The following ATG10 variants were observed in gnomAD, a reference collection of about 807,000 sequenced individuals.
The protein encoded by ATG10 is autophagy related 10.
Under a neutral mutation model 32.1 loss-of-function variants are expected in ATG10, and 30 were observed. That is an observed-to-expected ratio of 0.94 (90% CI 0.70 to 1.27). The LOEUF is 1.27. Among genes scored for constraint, ATG10 ranks in the 50% most tolerant of loss-of-function variants. ATG10 has a pLI of 0.00. For synonymous variants in ATG10, 87 were observed against 91.5 expected, an observed-to-expected ratio of 0.95 and a Z score of 0.28; for missense variants, 233 against 262.3, an observed-to-expected ratio of 0.89 and a Z score of 0.77.
intron 3 of ATG10, among the ~76,000 whole-genome samples, chr5:82,086,710 A>G (rs1764708538): frequency 6.6e-6 from 1 of 152,166 alleles, no homozygotes; most frequent in African/African-American, 2.4e-5. Flanking sequence ...GCCAAGATTC[A>G]AAGGCAGGAA....
At chr5:82,199,380 T>TTAA (rs1279840897) in intron 5 of ATG10, among the ~76,000 whole-genome samples, 1 of 152,094 alleles carries the variant, frequency 6.6e-6, no homozygotes, top group Non-Finnish European at 1.5e-5. Context: ...TTGTCTCAAA[T>TTAA]TTTCTTTTTA....
In ATG10 at chr5:82,113,188, A is replaced by C. The variant is rs185107465; in HGVS notation, c.217-51211A>C. ...TGATAAAGAAGGTATAGCATATACT[A>C]TTCCTCCAGAACGTTTAGCACCAGA... On this transcript the variant is annotated intron_variant, in intron 3 of 7. Coordinates refer to ENST00000282185, the MANE Select transcript of ATG10 (RefSeq NM_031482.5). 3.8e-3 allele frequency among the ~76,000 whole-genome samples: 573 copies of C among 152,018 alleles called. 1 individual carries two copies. The highest frequency in any genetic ancestry group is 7.6e-3 in the Admixed American group (115 of 15,210).
intron 1 of ATG10, among the ~76,000 whole-genome samples, chr5:81,980,806 G>C (rs559480548): frequency 7.7e-4 from 117 of 152,218 alleles, no homozygotes; most frequent in African/African-American, 2.8e-3. Context: ...TACTGGGAGA[G>C]AACTGCCTTG....
At chr5:82,023,831 C>T (rs1211495059) in intron 2 of ATG10, among the ~76,000 whole-genome samples, 1 of 152,160 alleles carries the variant, frequency 6.6e-6, no homozygotes, top group Non-Finnish European at 1.5e-5. Flanking sequence ...CAGTCAAAGC[C>T]GTAAACCTTT....
chr5:82,236,266 G>T (rs1746547230), intron 5 of ATG10, among the ~76,000 whole-genome samples: 1 of 151,884 alleles, frequency 6.6e-6, no homozygotes, highest in Non-Finnish European at 1.5e-5. Context: ...TGGTCTTGGT[G>T]GTTATCTCCT....
At chr5:82,066,004 A>T (rs1257210390) in intron 3 of ATG10, among the ~76,000 whole-genome samples, 1 of 152,112 alleles carries the variant, frequency 6.6e-6, no homozygotes, top group Non-Finnish European at 1.5e-5. Flanking sequence ...CGTGTCCAGC[A>T]CTCATCCACT....
chr5:82,013,710 G>C (rs375346507), intron 2 of ATG10, among the ~76,000 whole-genome samples: 1 of 152,044 alleles, frequency 6.6e-6, no homozygotes, highest in South Asian at 2.1e-4. Context: ...GCAGGAGTGA[G>C]GTGGTATTGC....
chr5:82,012,097 C>T (rs563320000), intron 2 of ATG10, among the ~76,000 whole-genome samples: 48 of 152,314 alleles, frequency 3.2e-4, no homozygotes, highest in Non-Finnish European at 5.7e-4. Context: ...GCTGGTTTCA[C>T]AGCCTGTGGT....
intron 3 of ATG10, among the ~76,000 whole-genome samples, chr5:82,141,849 T>C (rs997510781): frequency 6.6e-6 from 1 of 151,620 alleles, no homozygotes; most frequent in African/African-American, 2.4e-5. Flanking sequence ...TAAGGCTGTT[T>C]GAAAAAAAAA....
chr5:82,075,941 TAAC>T (rs566512496), intron 3 of ATG10, among the ~76,000 whole-genome samples: 2 of 151,796 alleles, frequency 1.3e-5, no homozygotes, highest in African/African-American at 2.4e-5. Flanking sequence ...TGTCCAACAA[TAAC>T]AACAACAACA....
chr5:82,031,416 A>C (rs73768613), intron 2 of ATG10, among the ~76,000 whole-genome samples: 1,756 of 152,274 alleles, frequency 0.012, 25 homozygotes, highest in African/African-American at 0.041. Context: ...ACCAGATAAG[A>C]AGGGTAACTG....
intron 3 of ATG10, among the ~76,000 whole-genome samples, chr5:82,124,487 C>T (rs966736649): frequency 1.3e-5 from 2 of 151,492 alleles, no homozygotes; most frequent in Non-Finnish European, 2.9e-5. Context: ...GTGTGATGTT[C>T]CCCTCCCTGT....
At chr5:82,129,773 T>C (rs4293895) in intron 3 of ATG10, among the ~76,000 whole-genome samples, 29,385 of 152,068 alleles carry the variant, frequency 0.19, 3,273 homozygotes, top group Middle Eastern at 0.28. Context: ...TTATGAGGTG[T>C]CTGTCAATCC....
At chr5:82,173,596 A>G (rs1208771239) in intron 4 of ATG10, among the ~76,000 whole-genome samples, 2 of 152,180 alleles carry the variant, frequency 1.3e-5, no homozygotes, top group Non-Finnish European at 2.9e-5. Context: ...CATGCTCACT[A>G]TGTAGGTTAC....
intron 5 of ATG10, 127 bp from the exon 6 acceptor site, chr5:82,252,435 C>T (rs1439432415): frequency 1.2e-5 from 8 of 656,918 alleles, no homozygotes; most frequent in Admixed American, 6.4e-5. Context: ...AGAAAATAAA[C>T]CTGTATATTA....
chr5:82,020,347 G>A (rs892659057), intron 2 of ATG10, among the ~76,000 whole-genome samples: 6 of 152,202 alleles, frequency 3.9e-5, no homozygotes, highest in Non-Finnish European at 8.8e-5. Flanking sequence ...AAAACTAATA[G>A]TAGGATTGAG....
At chr5:82,230,732 C>CAAAAAAAAA (rs397881697) in intron 5 of ATG10, among the ~76,000 whole-genome samples, 27 of 58,796 alleles carry the variant, frequency 4.6e-4, no homozygotes, top group African/African-American at 5.7e-4. Context: ...GACTCCGTCT[C>CAAAAAAAAA]AAAAAAAAAA....
intron 1 of ATG10, among the ~76,000 whole-genome samples, chr5:81,982,473 C>T (rs1194514056): frequency 6.6e-6 from 1 of 152,056 alleles, no homozygotes; most frequent in African/African-American, 2.4e-5. Flanking sequence ...AACAAAACAA[C>T]TTATACTTTA....
rs962876880 is a variant in ATG10 at position 81,987,631 on chromosome 5, A to G, written c.61A>G (p.Lys21Glu). ...TFQRYCAEFI[K>E]HSQQIGDSWE... ...CCAACGTTATTGTGCAGAATTCATT[A>G]AACATTCACAACAGATAGGTGATAG... is the stretch of plus-strand genomic sequence containing the variant. Residue 21 changes from lysine to glutamate, a missense_variant, in exon 2 of 8, where the codon AAA becomes GAA. Transcript: ENST00000282185. 7 of 1,613,098 alleles carry G rather than the reference A, an allele frequency of 4.3e-6. No individual in the cohort carries two copies. The highest frequency in any genetic ancestry group is 1.3e-5 in the African/African-American group (1 of 74,912).
Sources: allele counts gnomAD v4.1 joint callset (sites outside exome capture counted in the v4.1 genomes callset), GRCh38; gene constraint gnomAD v4.1.1; transcripts MANE v1.5; gene names NCBI Gene and HGNC (gene_info 2026-07-23, HGNC 2026-07-21).